MDM1: variants seen among roughly 807,000 people sequenced by gnomAD.
The protein encoded by MDM1 is stabilizer of axonemal microtubules 6.
In MDM1, 61 loss-of-function variants were observed where a neutral mutation model predicts 89.1. That is an observed-to-expected ratio of 0.68 (90% confidence interval 0.56 to 0.85). MDM1 has a LOEUF of 0.85. MDM1 is among the 40% of genes least tolerant of loss of function. The pLI is 0.00. For synonymous variants in MDM1, 290 were observed against 294.1 expected (o/e 0.99, Z 0.14); for missense variants, 820 against 846.5 (o/e 0.97, Z 0.39).
intron 14 of MDM1, among the ~76,000 whole-genome samples, chr12:68,296,264 C>T (rs976119052): frequency 6.6e-6 from 1 of 152,190 alleles, no homozygotes; most frequent in African/African-American, 2.4e-5. Flanking sequence ...CTTTGGGAGG[C>T]CAAGGTGGGC....
intron 2 of MDM1, 101 bp from the exon 3 acceptor site, chr12:68,327,122 G>C: frequency 1.4e-6 from 2 of 1,447,468 alleles, no homozygotes; most frequent in South Asian, 3.0e-5. Flanking sequence ...TTTAAATTTA[G>C]TTCAGATATA....
intron 13 of MDM1, among the ~76,000 whole-genome samples, chr12:68,301,292 A>C (rs183057480): frequency 5.3e-4 from 80 of 152,368 alleles, no homozygotes; most frequent in Middle Eastern, 6.8e-3. Flanking sequence ...AAAAGGAATG[A>C]AATAATGTCT....
intron 14 of MDM1, among the ~76,000 whole-genome samples, chr12:68,296,469 G>A (rs1427962146): frequency 6.6e-6 from 1 of 152,258 alleles, no homozygotes; most frequent in Non-Finnish European, 1.5e-5. Flanking sequence ...CTGCACTCCA[G>A]CCTGGCGACA....
chr12:68,309,098 A>G (rs1392856928), intron 12 of MDM1, among the ~76,000 whole-genome samples: 1 of 152,228 alleles, frequency 6.6e-6, no homozygotes, highest in Non-Finnish European at 1.5e-5. Flanking sequence ...CACAATTCCC[A>G]TACTGAAAAT....
chr12:68,332,069 G>T, intron 1 of MDM1, 159 bp downstream of exon 1: 3 of 907,672 alleles, frequency 3.3e-6, no homozygotes, highest in African/African-American at 3.3e-5. Flanking sequence ...GTTAAGAGGC[G>T]GCGGGCAGAT....
At chr12:68,311,286 T>G (rs546989192) in intron 12 of MDM1, among the ~76,000 whole-genome samples, 1 of 152,184 alleles carries the variant, frequency 6.6e-6, no homozygotes, top group Admixed American at 6.5e-5. Context: ...ACCACCAACT[T>G]AAAATGGCCC....
Position 68,332,314 on chromosome 12 carries a change from G to A in MDM1, c.-69C>T, listed in dbSNP as rs1308373112. On this transcript the variant is annotated 5_prime_UTR_variant, in exon 1 of 15. Coordinates refer to ENST00000682720, the MANE Select transcript of MDM1 (RefSeq NM_001354969.2). The stretch of plus-strand genomic sequence containing the variant: ...AGAAAAAGCTCCGAGGGGGCGGGGC[G>A]ATAACAGTGTTCCCTAGCAAAGCCT... 6.7e-7 allele frequency: 1 copy of A among 1,498,040 alleles called. No individual in the cohort carries two copies. Among genetic ancestry groups the A allele is most frequent in the Non-Finnish European group, 8.9e-7 (1 of 1,119,474 alleles). The allele number at this position is 1,498,040 out of a possible 1,614,324, so 92.8% of individuals were successfully genotyped here.
In MDM1 at chr12:68,331,213, A is replaced by G; in HGVS notation, c.27T>C (p.Ser9=). Residue 9 remains serine, a synonymous_variant, in exon 2 of 15, where the codon AGT becomes AGC. Coordinates refer to ENST00000682720, the MANE Select transcript of MDM1 (RefSeq NM_001354969.2). The part of the protein sequence containing the change: MPVRFKGL[S]EYQRNFLWKK... Reference sequence around the variant, plus strand: ...TCCACAGGAAGTTCCTCTGGTATTCACTCAGCCCCTGTAATGCAAAGTACA... The same window carrying G: ...TCCACAGGAAGTTCCTCTGGTATTCGCTCAGCCCCTGTAATGCAAAGTACA... The G allele has an allele frequency of 4.5e-6, 7 of 1,567,012 alleles. No individual in the cohort carries two copies. The South Asian group carries it at 7.8e-5, about 17-fold the overall frequency.
At chr12:68,315,344 C>T in intron 9 of MDM1, 79 bp from the exon 10 acceptor site, 1 of 1,337,218 alleles carries the variant, frequency 7.5e-7, no homozygotes, top group Non-Finnish European at 1.0e-6. Context: ...GTGAGTCCAT[C>T]ATTTCCTTCT....
At chr12:68,323,485 A>G (rs1371156022) in intron 4 of MDM1, 1 of 312,674 alleles carries the variant, frequency 3.2e-6, no homozygotes, top group African/African-American at 2.2e-5. Context: ...ACGTTGGCAT[A>G]TTTTCATATG....
rs1757438085 is a variant in MDM1, at chr12:68,332,223, C to A, written c.18+5G>T. 6.3e-7 allele frequency: 1 copy of A among 1,575,334 alleles called. No individual in the cohort carries two copies. Among genetic ancestry groups the A allele is most frequent in the South Asian group, 1.2e-5 (1 of 86,046 alleles). On this transcript the variant is annotated splice_donor_5th_base_variant and intron_variant, in intron 1 of 14. Transcript: ENST00000682720. ...CACATTCCGGCCCGGGGACCCCAGC[C>A]TCACCTTGAAGCGCACCGGCATGTC... is the stretch of plus-strand genomic sequence containing the variant.
intron 4 of MDM1, among the ~76,000 whole-genome samples, chr12:68,323,879 C>T (rs1211532179): frequency 1.3e-5 from 2 of 152,150 alleles, no homozygotes; most frequent in South Asian, 4.1e-4. Context: ...CAGATCTAAA[C>T]AGTTTATCTT....
intron 13 of MDM1, among the ~76,000 whole-genome samples, chr12:68,299,504 G>A: frequency 6.6e-6 from 1 of 152,118 alleles, no homozygotes; most frequent in East Asian, 1.9e-4. Context: ...AAACGTAGTG[G>A]AAAGTTTCAA....
chr12:68,325,193 C>G, intron 4 of MDM1: 1 of 1,100,766 alleles, frequency 9.1e-7, no homozygotes, highest in Non-Finnish European at 1.1e-6. Flanking sequence ...GTTTTCATTA[C>G]CCTGTCTCAT....
At position 68,326,942 on chromosome 12, in the gene MDM1, C is replaced by T; in HGVS notation, c.213G>A (p.Trp71Ter). 6.2e-7 allele frequency: 1 copy of T among 1,614,000 alleles called. No homozygotes were observed. The highest frequency in any genetic ancestry group is 8.5e-7 in the Non-Finnish European group (1 of 1,179,998). Residue 71 changes from tryptophan to a stop codon, truncating the protein, a stop_gained, in exon 3 of 15, where the codon TGG (tryptophan) becomes TGA (stop). Coordinates refer to ENST00000682720, the MANE Select transcript of MDM1 (RefSeq NM_001354969.2). LOFTEE classifies it high-confidence loss of function. Reference sequence around the variant, plus strand: ...CATTGCTCTCTGAGATAGCTCCATTCCACTCCAGAGATTTTGAAATCTGTG... The same window carrying T: ...CATTGCTCTCTGAGATAGCTCCATTTCACTCCAGAGATTTTGAAATCTGTG... The part of the protein sequence containing the change: ...HDPQISKSLE[W>*]NGAISESNVV...
In MDM1 at chr12:68,326,823, T is replaced by C. The variant is rs1409719291; in HGVS notation, c.332A>G (p.Glu111Gly). Residue 111 changes from glutamate (E) to glycine (G), a missense_variant, in exon 3 of 15, where the codon GAA becomes GGA. By Grantham distance (98) the Glu-to-Gly change is moderately conservative (BLOSUM62 -2). Coordinates refer to ENST00000682720, the MANE Select transcript of MDM1 (RefSeq NM_001354969.2). Reference protein sequence around the residue: ...DVTQERVHSLEASRVPKRTRS... With the variant: ...DVTQERVHSLGASRVPKRTRS... ...GGTTCTTTTGGGAACCCTGGAAGCT[T>C]CTAGTGAGTGAACTCTTTCTTGAGT... 6.2e-7 allele frequency: 1 copy of C among 1,613,912 alleles called. No individual in the cohort carries two copies. Among genetic ancestry groups the C allele is most frequent in the South Asian group, 1.1e-5 (1 of 91,076 alleles).
chr12:68,317,622 T>C (rs2097229421), intron 7 of MDM1, among the ~76,000 whole-genome samples: 1 of 152,176 alleles, frequency 6.6e-6, no homozygotes. Context: ...TCCTAAAGGA[T>C]AATTTGAAAT....
rs962976 is a variant in MDM1, at chr12:68,326,847, G to A, written c.308C>T (p.Thr103Ile). The A allele has an allele frequency of 0.71, 1,148,152 of 1,613,840 alleles. 410,347 individuals are homozygous for A. Among genetic ancestry groups the A allele is most frequent in the African/African-American group, 0.79 (59,420 of 74,948 alleles). The change falls in exon 3 of 15, where the codon ACT becomes ATT. Residue 103 changes from threonine to isoleucine, a missense_variant. Thr to Ile is a moderately conservative substitution (Grantham distance 89). Transcript: ENST00000682720. ...TTCTAGTGAGTGAACTCTTTCTTGA[G>A]TAACATCCTTTTGTTCTGCTTCTTG... The part of the protein sequence containing the change: ...KSQEAEQKDV[T>I]QERVHSLEAS...
rs536200501 is a variant in MDM1, at chr12:68,305,785, G to C, written c.1750-2913C>G. Among the ~76,000 whole-genome samples the C allele has an allele frequency of 5.1e-4, 77 of 152,224 alleles. 1 individual carries two copies. Among genetic ancestry groups the C allele is most frequent in the Non-Finnish European group, 6.5e-4 (44 of 68,008 alleles). On this transcript the variant is annotated intron_variant, in intron 12 of 14. Transcript: ENST00000682720. The stretch of plus-strand genomic sequence containing the variant: ...AATGGAAAAGCATTCCACGCCCATG[G>C]ATCGGAAGAATCGATATTGTTAAAA...
Sources: allele counts gnomAD v4.1 joint callset (sites outside exome capture counted in the v4.1 genomes callset), GRCh38; gene constraint gnomAD v4.1.1; transcripts MANE v1.5; gene names NCBI Gene and HGNC (gene_info 2026-07-23, HGNC 2026-07-21).